FRMD4A: variants seen among roughly 807,000 people sequenced by gnomAD.
The protein encoded by FRMD4A is FERM domain-containing protein 4A.
FRMD4A carries 29 observed loss-of-function variants against 129.1 expected under a neutral mutation model. The ratio of observed to expected loss-of-function variants is 0.22; its 90% CI spans 0.17 to 0.31. The LOEUF is 0.31. Ranked by LOEUF, FRMD4A falls within the 10% of genes least tolerant of loss-of-function variation. The pLI is 1.00. For synonymous variants in FRMD4A, 634 were observed against 571.6 expected, an observed-to-expected ratio of 1.11 and a Z score of -1.56; for missense variants, 1,272 against 1,375.8, an observed-to-expected ratio of 0.92 and a Z score of 1.19.
chr10:14,072,651 C>T (rs1177419150), intron 2 of FRMD4A, among the ~76,000 whole-genome samples: 9 of 152,140 alleles, frequency 5.9e-5, no homozygotes. Flanking sequence ...ACCATCTCCA[C>T]AAAGGACCAT....
chr10:14,282,842 T>C (rs1016003894), intron 2 of FRMD4A, among the ~76,000 whole-genome samples: 1 of 152,224 alleles, frequency 6.6e-6, no homozygotes, highest in African/African-American at 2.4e-5. Flanking sequence ...AACAACCTTC[T>C]TCCTTCTGCC....
At chr10:14,133,327 C>A (rs544239648) in intron 2 of FRMD4A, among the ~76,000 whole-genome samples, 1 of 152,146 alleles carries the variant, frequency 6.6e-6, no homozygotes, top group African/African-American at 2.4e-5. Context: ...AGCACCAAAG[C>A]GATGTTGAGA....
intron 2 of FRMD4A, among the ~76,000 whole-genome samples, chr10:14,182,876 A>C (rs1841958658): frequency 6.6e-6 from 1 of 152,198 alleles, no homozygotes; most frequent in Non-Finnish European, 1.5e-5. Context: ...AGTGGAAGCA[A>C]ACGTTGGGAG....
intron 2 of FRMD4A, among the ~76,000 whole-genome samples, chr10:14,148,781 G>A (rs1345586409): frequency 7.9e-5 from 12 of 150,966 alleles, no homozygotes; most frequent in African/African-American, 2.9e-4. Flanking sequence ...AAAAAGAAAA[G>A]AAACAATGAG....
intron 4 of FRMD4A, among the ~76,000 whole-genome samples, chr10:13,797,410 T>C (rs1203903047): frequency 6.6e-6 from 1 of 152,022 alleles, no homozygotes; most frequent in African/African-American, 2.4e-5. Context: ...AGGCAAGAGA[T>C]CCTCAGAGGG....
chr10:13,731,969 T>A (rs944471595), intron 12 of FRMD4A, among the ~76,000 whole-genome samples: 13 of 151,976 alleles, frequency 8.6e-5, no homozygotes, highest in African/African-American at 4.8e-5. Flanking sequence ...GTTCCTGACA[T>A]GTGTACCCTG....
chr10:14,200,913 C>T (rs1252305726), intron 2 of FRMD4A, among the ~76,000 whole-genome samples: 5 of 152,296 alleles, frequency 3.3e-5, no homozygotes, highest in Admixed American at 2.0e-4. Context: ...TGTTCAGTCC[C>T]CATGAAGCCA....
At chr10:14,035,876 A>G (rs1833475407) in intron 2 of FRMD4A, among the ~76,000 whole-genome samples, 1 of 151,972 alleles carries the variant, frequency 6.6e-6, no homozygotes, top group Non-Finnish European at 1.5e-5. Context: ...GACCATCTCA[A>G]TGCCAAAATA....
intron 2 of FRMD4A, among the ~76,000 whole-genome samples, chr10:13,911,251 ACATGATAAGAT>A (rs1391064395): frequency 6.6e-6 from 1 of 152,238 alleles, no homozygotes; most frequent in Non-Finnish European, 1.5e-5. Flanking sequence ...TTTTTCCTGC[ACATGATAAGAT>A]CATTTCCAAA....
chr10:13,873,656 T>C (rs2094461733), intron 2 of FRMD4A, among the ~76,000 whole-genome samples: 1 of 152,154 alleles, frequency 6.6e-6, no homozygotes. Flanking sequence ...AAGTGATTCT[T>C]GTGCCTCAGC....
chr10:13,848,399 A>T (rs2094085711), intron 3 of FRMD4A, among the ~76,000 whole-genome samples: 1 of 152,010 alleles, frequency 6.6e-6, no homozygotes, highest in South Asian at 2.1e-4. Context: ...AATGGTTTCA[A>T]TGAATACATT....
intron 2 of FRMD4A, among the ~76,000 whole-genome samples, chr10:14,104,781 C>T (rs79306113): frequency 0.035 from 5,325 of 152,342 alleles, 142 homozygotes; most frequent in Non-Finnish European, 0.052. Context: ...CAACTTAGTC[C>T]TAGAGCTCTC....
chr10:13,860,789 T>G (rs1005694965), intron 2 of FRMD4A, among the ~76,000 whole-genome samples: 1 of 151,482 alleles, frequency 6.6e-6, no homozygotes, highest in African/African-American at 2.4e-5. Context: ...TTTAATTTAA[T>G]TTTTTTTTAG....
intron 2 of FRMD4A, among the ~76,000 whole-genome samples, chr10:14,094,896 T>C (rs557054028): frequency 6.6e-6 from 1 of 152,166 alleles, no homozygotes; most frequent in Non-Finnish European, 1.5e-5. Context: ...TGTATATCTA[T>C]GCCTGTGTAT....
chr10:13,680,700 G>T (rs539940144), intron 15 of FRMD4A, among the ~76,000 whole-genome samples: 1 of 151,954 alleles, frequency 6.6e-6, no homozygotes, highest in South Asian at 2.1e-4. Flanking sequence ...CACTCCAGCC[G>T]GGGTGACAGA....
intron 15 of FRMD4A, among the ~76,000 whole-genome samples, chr10:13,691,425 C>T (rs1183687277): frequency 1.3e-5 from 2 of 152,074 alleles, no homozygotes; most frequent in East Asian, 3.8e-4. Context: ...TACAAGGGGG[C>T]CCGTGCAGAT....
intron 2 of FRMD4A, among the ~76,000 whole-genome samples, chr10:14,294,397 G>A (rs1233900417): frequency 3.9e-5 from 6 of 152,150 alleles, no homozygotes; most frequent in Admixed American, 6.5e-5. Flanking sequence ...TGTCCTCCAC[G>A]TTCACAAGGC....
chr10:14,172,976 C>G (rs1328797873), intron 2 of FRMD4A, among the ~76,000 whole-genome samples: 2 of 152,126 alleles, frequency 1.3e-5, no homozygotes, highest in Non-Finnish European at 2.9e-5. Context: ...CTGCACAAGA[C>G]CTACTTCTAA....
intron 2 of FRMD4A, among the ~76,000 whole-genome samples, chr10:13,902,882 G>A (rs1018967079): frequency 6.6e-6 from 1 of 151,506 alleles, no homozygotes; most frequent in Non-Finnish European, 1.5e-5. Flanking sequence ...AGATTCTTGA[G>A]TGTTACCCCC....
Sources: gnomAD v4.1 joint callset for allele counts (sites outside exome capture counted in the v4.1 genomes callset) on GRCh38, gnomAD v4.1.1 for gene constraint, MANE v1.5 for transcripts, NCBI Gene and HGNC (gene_info 2026-07-23, HGNC 2026-07-21) for gene names.